MAP3K4: variants seen among roughly 807,000 people sequenced by gnomAD.
The protein encoded by MAP3K4 is mitogen-activated protein kinase kinase kinase 4.
A neutral mutation model predicts 185.6 loss-of-function variants in MAP3K4; 67 were observed. The observed-to-expected ratio is 0.36, with a 90% CI of 0.30 to 0.44. The LOEUF is 0.44. MAP3K4 is among the 20% of genes least tolerant of loss of function. The probability of loss-of-function intolerance (pLI) is 1.00; values close to 1 mark genes in which losing one functional copy is unlikely to be tolerated. For missense variants in MAP3K4, 1,551 were observed against 1,995.1 expected (o/e 0.78, Z 4.24); for synonymous variants, 702 against 710.4 (o/e 0.99, Z 0.19).
At position 161,075,603 on chromosome 6, in the gene MAP3K4, G is replaced by A. The variant is rs1404782218; in HGVS notation, c.2097+1991G>A. ...ATGCTTTGCTTCGTAAACTGTGTTT[G>A]CTGGCCCTTTATCCTGTAGTGGCAG... is the stretch of plus-strand genomic sequence containing the variant. On this transcript the variant is annotated intron_variant, in intron 5 of 26. Transcript: ENST00000392142. The surrounding 1 kb of genome is among the most constrained non-coding windows in gnomAD (Gnocchi z 4.3). Among the ~76,000 whole-genome samples the A allele has an allele frequency of 1.3e-5, 2 of 152,168 alleles. No homozygotes were observed. Among genetic ancestry groups the A allele is most frequent in the African/African-American group, 4.8e-5 (2 of 41,434 alleles).
intron 1 of MAP3K4, among the ~76,000 whole-genome samples, chr6:161,025,173 G>C (rs990067127): frequency 6.6e-6 from 1 of 152,174 alleles, no homozygotes; most frequent in Admixed American, 6.5e-5. Flanking sequence ...AACATACCTG[G>C]CAGTTCTGTT....
chr6:161,109,028 G>A lies in MAP3K4; in HGVS notation c.4236+169G>A. 6.4e-7 allele frequency: 1 copy of A among 1,555,546 alleles called. No individual in the cohort carries two copies. Among genetic ancestry groups the A allele is most frequent in the Non-Finnish European group, 8.7e-7 (1 of 1,154,176 alleles). On this transcript the variant is annotated intron_variant, in intron 22 of 26. Transcript: ENST00000392142. This position sits in a 1 kb window ranked among gnomAD's most constrained non-coding sequence, Gnocchi z 5.7. ...CTGCCTTCTCTCTGAAACTAGAGGAGTTCCTCCTAAAATGTAAGTTGTAGA... is the reference window on the plus strand; with the variant it reads ...CTGCCTTCTCTCTGAAACTAGAGGAATTCCTCCTAAAATGTAAGTTGTAGA...
In MAP3K4 at chr6:161,048,210, G is replaced by A; in HGVS notation, c.344-406G>A. ...TCTTAAGTTTACACATTTAGCTAAT[G>A]ACAAATGCAGGAATTAAATATATTT... On this transcript the variant is annotated intron_variant, in intron 2 of 26. Coordinates refer to ENST00000392142, the MANE Select transcript of MAP3K4 (RefSeq NM_005922.4). This position sits in a 1 kb window ranked among gnomAD's most constrained non-coding sequence, Gnocchi z 4.7. The A allele has an allele frequency of 1.9e-6, 1 of 529,776 alleles. No homozygotes were observed. The highest frequency in any genetic ancestry group is 3.9e-6 in the Non-Finnish European group (1 of 259,684). 32.8% of individuals were successfully genotyped at this position (529,776 alleles called of 1,614,324 possible).
chr6:161,111,195 C>T (rs1369655081), intron 23 of MAP3K4, among the ~76,000 whole-genome samples: 8 of 152,124 alleles, frequency 5.3e-5, no homozygotes, highest in African/African-American at 1.7e-4. Context: ...TGTTGCTTTT[C>T]GAAGGAGGTA....
chr6:161,083,599 T>G (rs1452313396), intron 6 of MAP3K4, among the ~76,000 whole-genome samples: 4 of 152,210 alleles, frequency 2.6e-5, no homozygotes, highest in Non-Finnish European at 5.9e-5. Flanking sequence ...CCACTACTCT[T>G]CAGATTGGAT....
Position 161,093,064 on chromosome 6 carries a change from T to G in MAP3K4, c.3348+8T>G. On this transcript the variant is annotated splice_region_variant and intron_variant, in intron 14 of 26. Coordinates refer to ENST00000392142, the MANE Select transcript of MAP3K4 (RefSeq NM_005922.4). The surrounding 1 kb of genome is among the most constrained non-coding windows in gnomAD (Gnocchi z 5.2). ...CCAGAAGATGACTTCTTGGTATGGA[T>G]TATTCTAAAGTTTTTTTCATTATAA... 6.3e-7 allele frequency: 1 copy of G among 1,595,924 alleles called. No individual in the cohort carries two copies. Among genetic ancestry groups the G allele is most frequent in the South Asian group, 1.1e-5 (1 of 89,818 alleles).
rs569609736 is a variant in MAP3K4, at chr6:160,992,012, ACCGCCGCCG to A, written c.87_95del (p.Pro34_Pro36del). On this transcript the variant is annotated inframe_deletion, in exon 1 of 27. Coordinates refer to ENST00000392142, the MANE Select transcript of MAP3K4 (RefSeq NM_005922.4). The stretch of plus-strand genomic sequence containing the variant: ...CCGCCGCCATGGAGGAGCCGCCGCC[ACCGCCGCCG>A]CCGCCACCACCGCCACCGGAACCCG... 1.3e-6 allele frequency: 2 copies of A among 1,539,652 alleles called. No homozygotes were observed. The highest frequency in any genetic ancestry group is 1.9e-5 in the Admixed American group (1 of 52,658).
rs559369711 is a variant in MAP3K4 at position 161,073,752 on chromosome 6, T to C, written c.2097+140T>C. The stretch of plus-strand genomic sequence containing the variant: ...CTCTAGTAATGAATTATAGAAATGA[T>C]CCCTGAAAGTATAGCTTGTGTGTGT... On this transcript the variant is annotated intron_variant, in intron 5 of 26. Transcript: ENST00000392142. The surrounding 1 kb of genome is among the most constrained non-coding windows in gnomAD (Gnocchi z 4.2). 3.5e-6 allele frequency: 3 copies of C among 867,356 alleles called. No homozygotes were observed. Among genetic ancestry groups the C allele is most frequent in the Non-Finnish European group, 3.4e-6 (2 of 594,684 alleles). The allele number at this position is 867,356 out of a possible 1,614,324, so 53.7% of individuals were successfully genotyped here. A position where few individuals can be genotyped will look rare whatever the true frequency, so the allele number is the denominator to read the frequency against.
chr6:161,025,852 G>T (rs1255599475), intron 1 of MAP3K4, among the ~76,000 whole-genome samples: 20 of 152,048 alleles, frequency 1.3e-4, no homozygotes, highest in Admixed American at 1.3e-3. Flanking sequence ...AAGCCCCTTT[G>T]TTTGTTTTTC....
At chr6:160,997,833 G>T (rs540939931) in intron 1 of MAP3K4, among the ~76,000 whole-genome samples, 1 of 152,088 alleles carries the variant, frequency 6.6e-6, no homozygotes, top group South Asian at 2.1e-4. Context: ...AGGCCAATTA[G>T]GATTCTTTCC....
chr6:161,006,510 A>T (rs917031888), intron 1 of MAP3K4, among the ~76,000 whole-genome samples: 1 of 152,244 alleles, frequency 6.6e-6, no homozygotes, highest in African/African-American at 2.4e-5. Context: ...TGCATAGGTT[A>T]TATGCAGATA....
At position 161,034,077 on chromosome 6, in the gene MAP3K4, C is replaced by CT. The variant is rs1783048450; in HGVS notation, c.153-181dup. On this transcript the variant is annotated intron_variant, in intron 1 of 26. Coordinates refer to ENST00000392142, the MANE Select transcript of MAP3K4 (RefSeq NM_005922.4). This position sits in a 1 kb window ranked among gnomAD's most constrained non-coding sequence, Gnocchi z 4.4. Reference sequence around the variant, plus strand: ...AGAAGCGGCAGTCACAATTATTACTCTCTTCAAGCAAAAGAAAAGTTCTCC... The same window carrying CT: ...AGAAGCGGCAGTCACAATTATTACTCTTCTTCAAGCAAAAGAAAAGTTCTCC... Among the ~76,000 whole-genome samples the CT allele has an allele frequency of 6.6e-6, 1 of 152,194 alleles. No homozygotes were observed. Among genetic ancestry groups the CT allele is most frequent in the Non-Finnish European group, 1.5e-5 (1 of 68,050 alleles).
intron 17 of MAP3K4, among the ~76,000 whole-genome samples, chr6:161,099,611 T>G (rs772500415): frequency 1.3e-5 from 2 of 152,218 alleles, no homozygotes; most frequent in Admixed American, 6.5e-5. Flanking sequence ...ATTCATACAG[T>G]ACAGACTGAA....
Position 161,063,823 on chromosome 6 carries a change from G to A in MAP3K4, c.1708-6785G>A. Among the ~76,000 whole-genome samples, 1 of 152,110 alleles carries A rather than the reference G, an allele frequency of 6.6e-6. No individual in the cohort carries two copies. Among genetic ancestry groups the A allele is most frequent in the South Asian group, 2.1e-4 (1 of 4,820 alleles). On this transcript the variant is annotated intron_variant, in intron 3 of 26. Coordinates refer to ENST00000392142, the MANE Select transcript of MAP3K4 (RefSeq NM_005922.4). The surrounding 1 kb of genome is among the most constrained non-coding windows in gnomAD (Gnocchi z 5.4). ...GTAGACTCTGTGAGCTTTTCATAGA[G>A]CACTCATCATGACTTGGGAATTGCC... is the stretch of plus-strand genomic sequence containing the variant.
chr6:161,066,223 A>G (rs1281408361), intron 3 of MAP3K4, among the ~76,000 whole-genome samples: 3 of 152,090 alleles, frequency 2.0e-5, no homozygotes, highest in African/African-American at 7.2e-5. Context: ...AGGTAAGTGA[A>G]TTGTACTTTG....
At chr6:161,040,671 A>G (rs1010472615) in intron 2 of MAP3K4, among the ~76,000 whole-genome samples, 3 of 152,264 alleles carry the variant, frequency 2.0e-5, no homozygotes, top group Non-Finnish European at 4.4e-5. Context: ...CATCAGATGC[A>G]TAGCAAATTC....
intron 1 of MAP3K4, among the ~76,000 whole-genome samples, chr6:161,010,756 G>T (rs1781807999): frequency 6.6e-6 from 1 of 152,210 alleles, no homozygotes; most frequent in South Asian, 2.1e-4. Flanking sequence ...ACATGCAGAT[G>T]TCTGATAGAA....
At position 161,108,770 on chromosome 6, in the gene MAP3K4, A is replaced by T; in HGVS notation, c.4147A>T (p.Thr1383Ser). ...EIRFQPNDHKTIKETADELKI... is the reference protein window; with the variant it reads ...EIRFQPNDHKSIKETADELKI... Reference sequence around the variant, plus strand: ...TCGATTTCAACCTAATGACCATAAGACTATCAAGGAAACTGCAGACGAATT... The same window carrying T: ...TCGATTTCAACCTAATGACCATAAGTCTATCAAGGAAACTGCAGACGAATT... Residue 1383 changes from threonine (T) to serine (S), a missense_variant, in exon 22 of 27, where the codon ACT becomes TCT. Physicochemically the swap from Thr to Ser is moderately conservative, Grantham distance 58 (BLOSUM62 1). This residue lies in a region of MAP3K4 where 159 missense variants were observed against 300.5 expected (regional missense o/e 0.53). Coordinates refer to ENST00000392142, the MANE Select transcript of MAP3K4 (RefSeq NM_005922.4). This position sits in a 1 kb window ranked among gnomAD's most constrained non-coding sequence, Gnocchi z 5.7. 1 of 1,613,674 alleles carries T rather than the reference A, an allele frequency of 6.2e-7. No homozygotes were observed. The highest frequency in any genetic ancestry group is 8.5e-7 in the Non-Finnish European group (1 of 1,179,566).
chr6:161,096,316 G>A lies in MAP3K4; in HGVS notation c.3428-764G>A, dbSNP rs922629915. ...TATAAACTAAAATTATTAACATGAA[G>A]AGAAACTATGACATTAAAAAAATAC... On this transcript the variant is annotated intron_variant, in intron 15 of 26. Coordinates refer to ENST00000392142, the MANE Select transcript of MAP3K4 (RefSeq NM_005922.4). The surrounding 1 kb of genome is among the most constrained non-coding windows in gnomAD (Gnocchi z 4.9). Among the ~76,000 whole-genome samples the A allele has an allele frequency of 6.6e-6, 1 of 151,954 alleles. No homozygotes were observed. The highest frequency in any genetic ancestry group is 2.4e-5 in the African/African-American group (1 of 41,368).
Sources: allele counts gnomAD v4.1 joint callset (sites outside exome capture counted in the v4.1 genomes callset), GRCh38; gene constraint gnomAD v4.1.1; regional missense constraint gnomAD v4.1.1; non-coding constraint Gnocchi (gnomAD v3.1); transcripts MANE v1.5; gene names NCBI Gene and HGNC (gene_info 2026-07-23, HGNC 2026-07-21).